Variants in PALS2 observed in about 807,000 individuals in gnomAD.
PALS2 encodes the protein protein associated with LIN7 2, MAGUK p55 family member, also known as protein PALS2.
A neutral mutation model predicts 61.6 loss-of-function variants in PALS2; 27 were observed. That is an observed-to-expected ratio of 0.44 (90% confidence interval 0.32 to 0.60). The LOEUF (loss-of-function observed/expected upper bound fraction) is 0.60, where lower values mean the gene tolerates loss of function less well. PALS2 is among the 20% of genes least tolerant of loss of function. PALS2 has a pLI of 0.05. For missense variants in PALS2, 554 were observed against 639.4 expected (o/e 0.87, Z 1.44); for synonymous variants, 236 against 218.6 (o/e 1.08, Z -0.70).
At chr7:24,657,408 A>G (rs1786478641) in intron 5 of PALS2, among the ~76,000 whole-genome samples, 1 of 152,220 alleles carries the variant, frequency 6.6e-6, no homozygotes, top group South Asian at 2.1e-4. Context: ...TAGCCATTCT[A>G]ATAGTGTGTA....
intron 1 of PALS2, among the ~76,000 whole-genome samples, chr7:24,585,370 G>A (rs961516072): frequency 6.6e-6 from 1 of 151,978 alleles, no homozygotes; most frequent in Non-Finnish European, 1.5e-5. Flanking sequence ...CCTTGAAGAG[G>A]TCCTTCACAT....
chr7:24,590,607 A>G (rs1411226100), intron 1 of PALS2, among the ~76,000 whole-genome samples: 1 of 152,150 alleles, frequency 6.6e-6, no homozygotes, highest in African/African-American at 2.4e-5. Flanking sequence ...TCCTTGGCCA[A>G]CAGGCATGTT....
At chr7:24,666,131 T>C in intron 8 of PALS2, 42 bp downstream of exon 8, 1 of 1,515,926 alleles carries the variant, frequency 6.6e-7, no homozygotes, top group Non-Finnish European at 9.1e-7. Flanking sequence ...GTGAAGTAGC[T>C]ATATGTCATT....
rs1562621080 is a variant in PALS2, at chr7:24,624,185, C to CT, written c.117+407dup. 1.8e-5 allele frequency: 22 copies of CT among 1,192,896 alleles called. 1 individual carries two copies. In the South Asian group the frequency reaches 2.7e-4, roughly 14 times the overall value. 73.9% of individuals were successfully genotyped at this position (1,192,896 alleles called of 1,614,324 possible). A position where few individuals can be genotyped will look rare whatever the true frequency, so the allele number is the denominator to read the frequency against. On this transcript the variant is annotated intron_variant, in intron 2 of 11. Transcript: ENST00000222644. ...AGTTCTTGACTTCCTTTATCTAGTG[C>CT]TTTTTTGAAATTTTGTTATTTGTTG...
chr7:24,633,350 G>GTTTTT (rs35300093), intron 2 of PALS2, among the ~76,000 whole-genome samples: 12 of 106,244 alleles, frequency 1.1e-4, no homozygotes, highest in African/African-American at 1.7e-4. Context: ...GGTTGGTGGA[G>GTTTTT]TTTTTTTTTT....
At chr7:24,633,290 CTT>C (rs34178198) in intron 2 of PALS2, among the ~76,000 whole-genome samples, 5 of 135,194 alleles carry the variant, frequency 3.7e-5, no homozygotes, top group African/African-American at 1.3e-4. Context: ...TGAAAAAGTC[CTT>C]TTTTTTTTTA....
chr7:24,627,681 G>A (rs776614936), intron 2 of PALS2, among the ~76,000 whole-genome samples: 1 of 151,986 alleles, frequency 6.6e-6, no homozygotes, highest in Admixed American at 6.6e-5. Context: ...ATGGTAAAGG[G>A]GATACCATCA....
At chr7:24,633,266 T>G (rs1009609543) in intron 2 of PALS2, among the ~76,000 whole-genome samples, 1 of 151,394 alleles carries the variant, frequency 6.6e-6, no homozygotes, top group African/African-American at 2.4e-5. Context: ...GTAACAAATA[T>G]TCTCAATTTT....
rs148311787 is a variant in PALS2, at chr7:24,587,769, C to G, written c.-3+14176C>G. On this transcript the variant is annotated intron_variant, in intron 1 of 11. Coordinates refer to ENST00000222644, the MANE Select transcript of PALS2 (RefSeq NM_001303037.2). ...GTCTTCCTCTCTGACATCTTCTTTT[C>G]AATTTCATAAAAGAACACTATAGCA... 3.5e-4 allele frequency among the ~76,000 whole-genome samples: 54 copies of G among 152,226 alleles called. 1 individual carries two copies. Among genetic ancestry groups the G allele is most frequent in the Middle Eastern group, 3.4e-3 (1 of 294 alleles).
chr7:24,680,950 A>T (rs528575085), intron 11 of PALS2, among the ~76,000 whole-genome samples: 93 of 152,350 alleles, frequency 6.1e-4, no homozygotes, highest in Non-Finnish European at 1.2e-3. Flanking sequence ...GTGCTACAGA[A>T]TGAAAATTAA....
In PALS2 at chr7:24,689,955, A is replaced by T. The variant is rs1445715375; in HGVS notation, c.*2341A>T. On this transcript the variant is annotated 3_prime_UTR_variant, in exon 12 of 12. Transcript: ENST00000222644. ...AGTTTATCTGCAAAATATTTCAATC[A>T]TCTTGGTACAATAGATGACTTTTAC... The T allele has an allele frequency of 6.6e-6, 1 of 152,248 alleles. No homozygotes were observed. Among genetic ancestry groups the T allele is most frequent in the Admixed American group, 6.5e-5 (1 of 15,286 alleles). 9.4% of individuals were successfully genotyped at this position (152,248 alleles called of 1,614,324 possible). A position where few individuals can be genotyped will look rare whatever the true frequency, so the allele number is the denominator to read the frequency against.
At chr7:24,581,324 C>T (rs1040992729) in intron 1 of PALS2, among the ~76,000 whole-genome samples, 2 of 151,316 alleles carry the variant, frequency 1.3e-5, no homozygotes, top group African/African-American at 4.9e-5. Context: ...CTGTGAAGGA[C>T]ACTTGTGAAG....
At chr7:24,664,629 T>G (rs1786920178) in intron 6 of PALS2, among the ~76,000 whole-genome samples, 1 of 152,156 alleles carries the variant, frequency 6.6e-6, no homozygotes, top group Admixed American at 6.5e-5. Context: ...ACAATCTTAC[T>G]TATGTGTCCT....
chr7:24,662,965 A>G (rs1359920609), intron 5 of PALS2, among the ~76,000 whole-genome samples: 2 of 152,220 alleles, frequency 1.3e-5, no homozygotes, highest in Non-Finnish European at 2.9e-5. Flanking sequence ...TGTAAAAGAA[A>G]TGTGTATACA....
chr7:24,640,107 G>A (rs1785447429), intron 2 of PALS2, among the ~76,000 whole-genome samples: 1 of 151,932 alleles, frequency 6.6e-6, no homozygotes, highest in South Asian at 2.1e-4. Flanking sequence ...ATGAGCCACT[G>A]TAGTTTAATT....
intron 5 of PALS2, among the ~76,000 whole-genome samples, chr7:24,652,082 C>T (rs1786181873): frequency 6.6e-6 from 1 of 152,142 alleles, no homozygotes; most frequent in African/African-American, 2.4e-5. Context: ...CTCAGGCTAC[C>T]TTTATTCCTC....
At chr7:24,645,263 A>G (rs114629092) in intron 3 of PALS2, among the ~76,000 whole-genome samples, 10,522 of 151,772 alleles carry the variant, frequency 0.069, 449 homozygotes, top group African/African-American at 0.11. Context: ...TTACATTTAA[A>G]TCTTTAATCC....
At chr7:24,575,284 T>C (rs1292753026) in intron 1 of PALS2, among the ~76,000 whole-genome samples, 1 of 152,212 alleles carries the variant, frequency 6.6e-6, no homozygotes, top group Non-Finnish European at 1.5e-5. Context: ...CATTCTAGGT[T>C]AAATCAACAC....
At chr7:24,624,803 C>T (rs372789939) in intron 2 of PALS2, among the ~76,000 whole-genome samples, 19 of 151,828 alleles carry the variant, frequency 1.3e-4, no homozygotes, top group African/African-American at 4.4e-4. Context: ...GGAGGGGTTT[C>T]ACCATGTTGG....
Sources: allele counts gnomAD v4.1 joint callset (sites outside exome capture counted in the v4.1 genomes callset), GRCh38; gene constraint gnomAD v4.1.1; transcripts MANE v1.5; gene names NCBI Gene and HGNC (gene_info 2026-07-23, HGNC 2026-07-21).